ANKRD11: variants seen among roughly 807,000 people sequenced by gnomAD.
ANKRD11 encodes the protein ankyrin repeat domain 11.
Under a neutral mutation model 195.7 loss-of-function variants are expected in ANKRD11, and 17 were observed. That is an observed-to-expected ratio of 0.09 (90% CI 0.06 to 0.13). The LOEUF is 0.13. Among genes scored for constraint, ANKRD11 ranks in the 10% least tolerant of loss-of-function variants. The pLI, the probability that ANKRD11 is intolerant of heterozygous loss-of-function variation, is 1.00. For missense variants in ANKRD11, 3,735 were observed against 3,566.1 expected (o/e 1.05, Z -1.21); for synonymous variants, 1,953 against 1,528.1 (o/e 1.28, Z -6.49).
intron 1 of ANKRD11, among the ~76,000 whole-genome samples, chr16:89,478,518 C>A (rs1170318519): frequency 8.5e-5 from 13 of 152,168 alleles, no homozygotes; most frequent in Non-Finnish European, 1.9e-4. Context: ...TCTCAAGGAC[C>A]CACTGCCCTC....
intron 1 of ANKRD11, among the ~76,000 whole-genome samples, chr16:89,451,354 T>C (rs933746808): frequency 6.6e-6 from 1 of 152,038 alleles, no homozygotes; most frequent in African/African-American, 2.4e-5. Context: ...AGGAGGGATC[T>C]TACTGAAGTG....
Position 89,343,504 on chromosome 16 carries a change from A to G in ANKRD11, c.-59-26426T>C, listed in dbSNP as rs573019932. Among the ~76,000 whole-genome samples, 15 of 152,306 alleles carry G rather than the reference A, an allele frequency of 9.8e-5. No individual in the cohort carries two copies. The South Asian group carries it at 3.1e-3, about 32-fold the overall frequency. On this transcript the variant is annotated intron_variant, in intron 2 of 12. Transcript: ENST00000301030. ...CACATAATGTATGTGTGAGTGAGTG[A>G]GCGAGCAAATGAGACAGAGCTCGAG... is the stretch of plus-strand genomic sequence containing the variant.
At chr16:89,295,234 G>C (rs1250685021) in intron 4 of ANKRD11, among the ~76,000 whole-genome samples, 1 of 152,222 alleles carries the variant, frequency 6.6e-6, no homozygotes, top group Admixed American at 6.5e-5. Context: ...TGAGGGCTTT[G>C]TGGGCTCAGG....
At position 89,290,777 on chromosome 16, in the gene ANKRD11, G is replaced by T. The variant is rs777070083; in HGVS notation, c.449C>A (p.Thr150Lys). The T allele has an allele frequency of 6.2e-7, 1 of 1,613,990 alleles. No homozygotes were observed. Among genetic ancestry groups the T allele is most frequent in the Non-Finnish European group, 8.5e-7 (1 of 1,180,028 alleles). Residue 150 changes from threonine (T) to lysine (K), a missense_variant, in exon 6 of 13, where the codon ACG (threonine) becomes AAG (lysine). Physicochemically the swap from Thr to Lys is moderately conservative, Grantham distance 78 (BLOSUM62 -1). Transcript: ENST00000301030. The stretch of plus-strand genomic sequence containing the variant: ...TTTGGTTTTTGAGGCAGAGTTGGGC[G>T]TTCCCTTCTGACACACTGTAGACTG... ...PSQSTVCQKGTPNSASKTKDK... is the reference protein window; with the variant it reads ...PSQSTVCQKGKPNSASKTKDK...
chr16:89,292,603 G>A (rs902784573), intron 4 of ANKRD11, among the ~76,000 whole-genome samples: 16 of 152,314 alleles, frequency 1.1e-4, no homozygotes, highest in South Asian at 2.1e-4. Flanking sequence ...ATCGACCTGC[G>A]TCACACTCAT....
At chr16:89,414,483 A>G (rs1276927639) in intron 2 of ANKRD11, among the ~76,000 whole-genome samples, 1 of 152,222 alleles carries the variant, frequency 6.6e-6, no homozygotes, top group Non-Finnish European at 1.5e-5. Flanking sequence ...TGTCAGCTTC[A>G]ACTACTTTTA....
intron 2 of ANKRD11, among the ~76,000 whole-genome samples, chr16:89,361,251 C>T (rs577490936): frequency 2.0e-5 from 3 of 152,226 alleles, no homozygotes; most frequent in Non-Finnish European, 4.4e-5. Context: ...CCGCAGAGGG[C>T]CTGCCCCAAG....
intron 2 of ANKRD11, chr16:89,324,197 A>C: frequency 2.6e-6 from 3 of 1,175,872 alleles, no homozygotes; most frequent in Non-Finnish European, 2.1e-6. Context: ...CAGCACCGAG[A>C]GCGCGTTCAG....
At chr16:89,469,759 C>T (rs1400174176) in intron 1 of ANKRD11, among the ~76,000 whole-genome samples, 18 of 149,320 alleles carry the variant, frequency 1.2e-4, no homozygotes, top group African/African-American at 3.4e-4. Context: ...AATAGCTGGG[C>T]GTGGTGGCGG....
chr16:89,456,957 C>CTTT (rs56161810), intron 1 of ANKRD11, among the ~76,000 whole-genome samples: 27 of 138,244 alleles, frequency 2.0e-4, no homozygotes, highest in East Asian at 4.2e-4. Context: ...TTATGTGAGT[C>CTTT]TTTTTTTTTT....
At chr16:89,408,628 G>A (rs925585899) in intron 2 of ANKRD11, among the ~76,000 whole-genome samples, 3 of 152,110 alleles carry the variant, frequency 2.0e-5, no homozygotes, top group Non-Finnish European at 4.4e-5. Flanking sequence ...CGTCCCAGCC[G>A]TGCCCACAGC....
chr16:89,409,454 C>G (rs971435123), intron 2 of ANKRD11, among the ~76,000 whole-genome samples: 1 of 152,206 alleles, frequency 6.6e-6, no homozygotes, highest in Non-Finnish European at 1.5e-5. Context: ...GTGCACGTCA[C>G]GGCCCTGCCC....
In ANKRD11 at chr16:89,349,803, C is replaced by T. The variant is rs569188817; in HGVS notation, c.-59-32725G>A. ...AAGTTGGACTTCATCAAACTAAAAA[C>T]TTTAGCTGCTCTAAAGACACTATTA... On this transcript the variant is annotated intron_variant, in intron 2 of 12. Coordinates refer to ENST00000301030, the MANE Select transcript of ANKRD11 (RefSeq NM_013275.6). Among the ~76,000 whole-genome samples the T allele has an allele frequency of 2.0e-5, 3 of 150,732 alleles. No individual in the cohort carries two copies. The South Asian group carries it at 6.3e-4, about 32-fold the overall frequency.
chr16:89,330,188 G>T (rs1366198307), intron 2 of ANKRD11, among the ~76,000 whole-genome samples: 1 of 151,990 alleles, frequency 6.6e-6, no homozygotes, highest in Non-Finnish European at 1.5e-5. Flanking sequence ...CTTCAAAAAG[G>T]AAGAGGAAGC....
At chr16:89,434,128 C>T (rs368361647) in intron 1 of ANKRD11, among the ~76,000 whole-genome samples, 4 of 152,200 alleles carry the variant, frequency 2.6e-5, no homozygotes, top group African/African-American at 9.6e-5. Flanking sequence ...CAAACAGGAC[C>T]AAGAGAAGGG....
chr16:89,288,460 A>T, intron 7 of ANKRD11, 68 bp downstream of exon 7: 1 of 1,611,568 alleles, frequency 6.2e-7, no homozygotes, highest in Non-Finnish European at 8.5e-7. Context: ...AGCTACGGGG[A>T]AACAAAGCTA....
rs753869879 is a variant in ANKRD11 at position 89,270,926 on chromosome 16, C to T, written c.7714-17G>A. On this transcript the variant is annotated splice_polypyrimidine_tract_variant and intron_variant, in intron 11 of 12. Coordinates refer to ENST00000301030, the MANE Select transcript of ANKRD11 (RefSeq NM_013275.6). The stretch of plus-strand genomic sequence containing the variant: ...CTCGTCACCCTGTGGAAACCAAACA[C>T]GGGAGTTTCATCAGGAGCCCCAGAG... 23 of 1,613,538 alleles carry T rather than the reference C, an allele frequency of 1.4e-5. No homozygotes were observed. The highest frequency in any genetic ancestry group is 5.5e-5 in the South Asian group (5 of 91,016).
intron 1 of ANKRD11, among the ~76,000 whole-genome samples, chr16:89,485,519 G>C (rs1159912877): frequency 6.6e-6 from 1 of 152,036 alleles, no homozygotes; most frequent in Non-Finnish European, 1.5e-5. Flanking sequence ...AGGTTTCTTA[G>C]AGCTAGAATA....
chr16:89,442,653 T>G (rs2043570398), intron 1 of ANKRD11, among the ~76,000 whole-genome samples: 1 of 152,230 alleles, frequency 6.6e-6, no homozygotes, highest in Non-Finnish European at 1.5e-5. Context: ...AGGAGGCCTG[T>G]GTCCCACAAA....
Sources: gnomAD v4.1 joint callset for allele counts (sites outside exome capture counted in the v4.1 genomes callset) on GRCh38, gnomAD v4.1.1 for gene constraint, MANE v1.5 for transcripts, NCBI Gene and HGNC (gene_info 2026-07-23, HGNC 2026-07-21) for gene names.